The following SLC2A2 variants were observed in gnomAD, a reference collection of about 807,000 sequenced individuals.
The protein encoded by SLC2A2 is solute carrier family 2 member 2, also known as solute carrier family 2, facilitated glucose transporter member 2.
SLC2A2 carries 36 observed loss-of-function variants against 54.5 expected under a neutral mutation model. The ratio of observed to expected loss-of-function variants is 0.66; its 90% CI spans 0.51 to 0.87. The LOEUF is 0.87. Among genes scored for constraint, SLC2A2 ranks in the 40% least tolerant of loss-of-function variants. The pLI is 0.00. For synonymous variants in SLC2A2, 223 were observed against 219.1 expected (o/e 1.02, Z -0.16); for missense variants, 543 against 624.3 (o/e 0.87, Z 1.39).
At chr3:171,019,098 TATATATATATATATATATATATATAC>T (rs1451767449) in intron 1 of SLC2A2, among the ~76,000 whole-genome samples, 590 of 5,258 alleles carry the variant, frequency 0.11, 6 homozygotes, top group East Asian at 0.22. Flanking sequence ...TGTGTGTGTG[TATATATATATATATATATATATATAC>T]GTATGTATAT....
At position 170,998,257 on chromosome 3, in the gene SLC2A2, G is replaced by T. The variant is rs1379813904; in HGVS notation, c.1310C>A (p.Ala437Glu). The T allele has an allele frequency of 6.2e-7, 1 of 1,613,828 alleles. No individual in the cohort carries two copies. Among genetic ancestry groups the T allele is most frequent in the Non-Finnish European group, 8.5e-7 (1 of 1,179,804 alleles). The change falls in exon 10 of 11, where the codon GCA (alanine) becomes GAA (glutamate). Residue 437 changes from alanine (A) to glutamate (E), a missense_variant. By Grantham distance (107) the Ala-to-Glu change is moderately radical (BLOSUM62 -1). Around this residue, in one of 3 missense-constraint regions of SLC2A2, gnomAD observed 108 missense variants for 101.3 expected, o/e 1.07. Coordinates refer to ENST00000314251, the MANE Select transcript of SLC2A2 (RefSeq NM_000340.2). ...GGTCCAATTGCTGAATGCAGCTATT[G>T]CTAAAGCAGCAGGACGTGGTCCTTG... ...FSQGPRPAAL[A>E]IAAFSNWTCN...
In SLC2A2 at chr3:170,997,683, T is replaced by C. The variant is rs955273156; in HGVS notation, c.*220A>G. On this transcript the variant is annotated 3_prime_UTR_variant, in exon 11 of 11. Transcript: ENST00000314251. Reference sequence around the variant, plus strand: ...TGCCCTTTAGTGTAACAAAATAAACTAGCCTTTTTGGTTTACTTAATTACA... The same window carrying C: ...TGCCCTTTAGTGTAACAAAATAAACCAGCCTTTTTGGTTTACTTAATTACA... 2.2e-5 allele frequency: 12 copies of C among 550,794 alleles called. No individual in the cohort carries two copies. The highest frequency in any genetic ancestry group is 9.8e-5 in the Admixed American group (3 of 30,498). The allele number at this position is 550,794 out of a possible 1,614,324, so 34.1% of individuals were successfully genotyped here.
intron 1 of SLC2A2, among the ~76,000 whole-genome samples, chr3:171,019,095 G>GTA (rs1322284997): frequency 2.6e-5 from 2 of 76,622 alleles, no homozygotes; most frequent in South Asian, 4.8e-4. Context: ...ATGTGTGTGT[G>GTA]TGTATATATA....
chr3:171,019,103 A>ATATATGTGTGTGTGTG lies in SLC2A2; in HGVS notation c.16-481_16-480insCACACACACACATATA, dbSNP rs1204460283. On this transcript the variant is annotated intron_variant, in intron 1 of 10. Transcript: ENST00000314251. ...TATATATATGTGTGTGTGTGTATAT[A>ATATATGTGTGTGTGTG]TATATATATATATATATATACGTAT... Among the ~76,000 whole-genome samples, 57 of 42,620 alleles carry ATATATGTGTGTGTGTG rather than the reference A, an allele frequency of 1.3e-3. 1 individual carries two copies. The highest frequency in any genetic ancestry group is 0.011 in the Admixed American group (51 of 4,544). 28.0% of individuals were successfully genotyped at this position (42,620 alleles called of 152,430 possible).
chr3:171,005,443 C>T lies in SLC2A2; in HGVS notation c.805G>A (p.Val269Ile). Residue 269 changes from valine to isoleucine, a missense_variant, in exon 7 of 11, where the codon GTC (valine) becomes ATC (isoleucine). Physicochemically the swap from Val to Ile is conservative, Grantham distance 29. This residue lies in a region of SLC2A2 where 318 missense variants were observed against 343.8 expected (regional missense o/e 0.93). Transcript: ENST00000314251. ...SLKRLRGYDD[V>I]TKDINEMRKE... is the part of the protein sequence containing the mutation. ...CTCATTTCATTAATATCTTTGGTGA[C>T]ATCATCATATCCTCTGAGTCTTTTC... is the stretch of plus-strand genomic sequence containing the variant. 2 of 1,612,054 alleles carry T rather than the reference C, an allele frequency of 1.2e-6. No individual in the cohort carries two copies. Among genetic ancestry groups the T allele is most frequent in the Non-Finnish European group, 1.7e-6 (2 of 1,178,720 alleles).
rs199573489 is a variant in SLC2A2 at position 171,005,447 on chromosome 3, A to G, written c.801T>C (p.Asp267=). The G allele has an allele frequency of 2.5e-6, 4 of 1,612,432 alleles. No individual in the cohort carries two copies. The East Asian group carries it at 6.7e-5, about 27-fold the overall frequency. ...KQSLKRLRGY[D]DVTKDINEMR... is the part of the protein sequence containing the mutation. ...TTTCATTAATATCTTTGGTGACATC[A>G]TCATATCCTCTGAGTCTTTTCAAGC... The change falls in exon 7 of 11, where the codon GAT becomes GAC. Residue 267 remains aspartate (D), a synonymous_variant. Transcript: ENST00000314251.
intron 8 of SLC2A2, among the ~76,000 whole-genome samples, chr3:171,001,991 A>G (rs1715358165): frequency 6.6e-6 from 1 of 151,950 alleles, no homozygotes; most frequent in South Asian, 2.1e-4. Flanking sequence ...AATCTCACAC[A>G]TACTCTCATG....
At chr3:171,005,570 T>G in intron 6 of SLC2A2, 98 bp from the exon 7 acceptor site, 2 of 928,084 alleles carry the variant, frequency 2.2e-6, no homozygotes, top group Non-Finnish European at 3.4e-6. Context: ...CATGCCCCAT[T>G]GTATTACTTA....
At chr3:171,018,347 G>A (rs746073726) in intron 2 of SLC2A2, among the ~76,000 whole-genome samples, 184 bp downstream of exon 2, 32 of 134,892 alleles carry the variant, frequency 2.4e-4, no homozygotes, top group South Asian at 2.2e-4. Context: ...TTTTTCCCCC[G>A]TGATTGTTAA....
At chr3:171,021,968 C>T (rs149225439) in intron 1 of SLC2A2, among the ~76,000 whole-genome samples, 106 of 152,270 alleles carry the variant, frequency 7.0e-4, no homozygotes, top group African/African-American at 2.5e-3. Flanking sequence ...TTAGATTTGA[C>T]CCATCAGGGT....
intron 2 of SLC2A2, 27 bp from the exon 3 acceptor site, chr3:171,014,758 C>T: frequency 1.3e-6 from 2 of 1,581,076 alleles, no homozygotes; most frequent in Non-Finnish European, 1.7e-6. Context: ...AATAGCTTTA[C>T]TATTTCAAAC....
chr3:171,009,956 A>G lies in SLC2A2; in HGVS notation c.496+2T>C. On this transcript the variant is annotated splice_donor_variant, in intron 4 of 10. Transcript: ENST00000314251. LOFTEE classifies it high-confidence loss of function. The stretch of plus-strand genomic sequence containing the variant: ...GTGTGTGTGTGTGTGTGTGTGACTT[A>G]CCACAATATAGTCCTGATATGCTTC... The G allele has an allele frequency of 1.9e-6, 3 of 1,571,620 alleles. No individual in the cohort carries two copies. Among genetic ancestry groups the G allele is most frequent in the Non-Finnish European group, 2.6e-6 (3 of 1,157,176 alleles).
intron 8 of SLC2A2, among the ~76,000 whole-genome samples, chr3:171,000,884 A>G (rs1025193150): frequency 3.9e-5 from 6 of 152,220 alleles, no homozygotes; most frequent in Non-Finnish European, 8.8e-5. Context: ...TGGGTGACGG[A>G]GGGACTATCC....
intron 7 of SLC2A2, among the ~76,000 whole-genome samples, chr3:171,003,887 AT>A (rs1485093966): frequency 2.0e-5 from 3 of 152,208 alleles, no homozygotes; most frequent in South Asian, 4.1e-4. Context: ...ACCAGCATGT[AT>A]AAGAGGTCTA....
intron 3 of SLC2A2, among the ~76,000 whole-genome samples, chr3:171,010,761 T>C (rs1393602863): frequency 6.6e-6 from 1 of 152,090 alleles, no homozygotes; most frequent in African/African-American, 2.4e-5. Flanking sequence ...CCAGCATATT[T>C]CCAAAATCTA....
chr3:171,010,044 A>G lies in SLC2A2; in HGVS notation c.410T>C (p.Val137Ala), dbSNP rs993833041. Residue 137 changes from valine to alanine, a missense_variant, in exon 4 of 11, where the codon GTT becomes GCT. Coordinates refer to ENST00000314251, the MANE Select transcript of SLC2A2 (RefSeq NM_000340.2). ...AMLVANILSLVGALLMGFSKL... is the reference protein window; with the variant it reads ...AMLVANILSLAGALLMGFSKL... ...TGAAAACCCCATCAAGAGAGCTCCA[A>G]CTAATGACAGAATGTTTGCTACTAA... 3 of 1,612,734 alleles carry G rather than the reference A, an allele frequency of 1.9e-6. No homozygotes were observed. Among genetic ancestry groups the G allele is most frequent in the African/African-American group, 2.7e-5 (2 of 74,866 alleles).
chr3:171,019,526 A>C (rs1427496080), intron 1 of SLC2A2, among the ~76,000 whole-genome samples: 1 of 152,162 alleles, frequency 6.6e-6, no homozygotes, highest in Non-Finnish European at 1.5e-5. Flanking sequence ...TTACATGTCT[A>C]ACTATCTTAG....
At chr3:171,024,761 A>G (rs1444080339) in intron 1 of SLC2A2, among the ~76,000 whole-genome samples, 1 of 152,196 alleles carries the variant, frequency 6.6e-6, no homozygotes, top group Admixed American at 6.5e-5. Context: ...GGGCATATTC[A>G]GTGTGACAAC....
intron 8 of SLC2A2, among the ~76,000 whole-genome samples, chr3:170,999,368 C>G (rs140242444): frequency 1.3e-5 from 2 of 152,074 alleles, no homozygotes; most frequent in South Asian, 4.2e-4. Context: ...CAGTGGACAG[C>G]GGGTAATGAT....
Sources: allele counts gnomAD v4.1 joint callset (sites outside exome capture counted in the v4.1 genomes callset), GRCh38; gene constraint gnomAD v4.1.1; regional missense constraint gnomAD v4.1.1; transcripts MANE v1.5; gene names NCBI Gene and HGNC (gene_info 2026-07-23, HGNC 2026-07-21).